Variants in ST8SIA1 observed in about 807,000 individuals in gnomAD.
ST8SIA1 encodes the protein ST8 alpha-N-acetyl-neuraminide alpha-2,8-sialyltransferase 1.
In ST8SIA1, 16 loss-of-function variants were observed where a neutral mutation model predicts 35.9. That is an observed-to-expected ratio of 0.45 (90% CI 0.30 to 0.68). ST8SIA1 has a LOEUF of 0.68. ST8SIA1 is among the 30% of genes least tolerant of loss of function. The pLI is 0.09. For missense variants in ST8SIA1, 383 were observed against 453.6 expected (o/e 0.84, Z 1.41); for synonymous variants, 170 against 169.6 (o/e 1.00, Z -0.02).
chr12:22,236,917 T>G lies in ST8SIA1; in HGVS notation c.584+12089A>C, dbSNP rs541759199. Among the ~76,000 whole-genome samples the G allele has an allele frequency of 2.6e-5, 4 of 152,286 alleles. No individual in the cohort carries two copies. In the South Asian group the frequency reaches 6.2e-4, roughly 24 times the overall value. ...TCAGGACAAGGTTACCGGAAAGATG[T>G]GGAGAACGTTCTGACTCTGAATTAA... On this transcript the variant is annotated intron_variant, in intron 4 of 4. Transcript: ENST00000396037.
intron 4 of ST8SIA1, among the ~76,000 whole-genome samples, chr12:22,218,400 T>C (rs575542760): frequency 6.6e-6 from 1 of 151,348 alleles, no homozygotes; most frequent in Non-Finnish European, 1.5e-5. Flanking sequence ...GGAGGATCAC[T>C]TGAGGTCAGG....
chr12:22,301,970 C>T (rs1866323864), intron 1 of ST8SIA1, among the ~76,000 whole-genome samples: 1 of 152,054 alleles, frequency 6.6e-6, no homozygotes, highest in South Asian at 2.1e-4. Context: ...TATAAAAAGC[C>T]TATGTGAAAG....
At chr12:22,278,842 C>G (rs1475201353) in intron 2 of ST8SIA1, among the ~76,000 whole-genome samples, 1 of 152,102 alleles carries the variant, frequency 6.6e-6, no homozygotes, top group South Asian at 2.1e-4. Context: ...GTTGTCTTAC[C>G]CTCAAAAAGC....
intron 4 of ST8SIA1, among the ~76,000 whole-genome samples, chr12:22,216,801 A>C (rs1865238805): frequency 6.6e-6 from 1 of 152,212 alleles, no homozygotes; most frequent in Non-Finnish European, 1.5e-5. Context: ...GCATTTTTGT[A>C]TCTTTGTCAC....
At chr12:22,294,337 G>A (rs539175246) in intron 1 of ST8SIA1, among the ~76,000 whole-genome samples, 1 of 152,038 alleles carries the variant, frequency 6.6e-6, no homozygotes, top group African/African-American at 2.4e-5. Context: ...CCTGCAGTAG[G>A]TAACATCATT....
Position 22,193,504 on chromosome 12 carries a change from A to T in ST8SIA1, c.*8048T>A, listed in dbSNP as rs1864948116. 1 of 150,868 alleles carries T rather than the reference A, an allele frequency of 6.6e-6. No homozygotes were observed. Among genetic ancestry groups the T allele is most frequent in the South Asian group, 2.1e-4 (1 of 4,702 alleles). The allele number at this position is 150,868 out of a possible 1,614,324, so 9.3% of individuals were successfully genotyped here. A position where few individuals can be genotyped will look rare whatever the true frequency, so the allele number is the denominator to read the frequency against. ...ACTGCCAGCCATAATTACAATGAAT[A>T]CACCAAAGAAAAAGACATGTTTTTA... is the stretch of plus-strand genomic sequence containing the variant. On this transcript the variant is annotated 3_prime_UTR_variant, in exon 5 of 5. Transcript: ENST00000396037.
At chr12:22,320,953 GAAAGAGAAAGAAAGAAAGAA>G (rs1379343929) in intron 1 of ST8SIA1, among the ~76,000 whole-genome samples, 8 of 80,722 alleles carry the variant, frequency 9.9e-5, no homozygotes, top group East Asian at 3.1e-4. Flanking sequence ...AAGAAAGAAA[GAAAGAGAAAGAAAGAAAGAA>G]AGAAAGAAAG....
At chr12:22,217,407 A>G (rs1865246587) in intron 4 of ST8SIA1, among the ~76,000 whole-genome samples, 1 of 152,206 alleles carries the variant, frequency 6.6e-6, no homozygotes, top group Admixed American at 6.5e-5. Context: ...AACACCTTAT[A>G]TTTTAAAAAT....
chr12:22,315,954 C>T (rs568547868), intron 1 of ST8SIA1, among the ~76,000 whole-genome samples: 1 of 152,064 alleles, frequency 6.6e-6, no homozygotes, highest in Admixed American at 6.6e-5. Flanking sequence ...CAAACCTGCA[C>T]ATCCTGTACA....
intron 3 of ST8SIA1, 63 bp downstream of exon 3, chr12:22,255,217 C>T: frequency 7.4e-7 from 1 of 1,350,416 alleles, no homozygotes; most frequent in Non-Finnish European, 1.1e-6. Flanking sequence ...AGCCCCAGGG[C>T]TTATGGGAGG....
intron 4 of ST8SIA1, among the ~76,000 whole-genome samples, chr12:22,230,912 T>A (rs202181081): frequency 0.049 from 7,427 of 152,014 alleles, 372 homozygotes; most frequent in South Asian, 0.17. Flanking sequence ...TTATCTTTAA[T>A]AAACATTAAG....
intron 4 of ST8SIA1, among the ~76,000 whole-genome samples, chr12:22,230,139 C>T (rs953592032): frequency 6.6e-6 from 1 of 152,140 alleles, no homozygotes; most frequent in Non-Finnish European, 1.5e-5. Flanking sequence ...AATGCTCTTA[C>T]ACAAAAATCA....
intron 1 of ST8SIA1, among the ~76,000 whole-genome samples, chr12:22,301,005 T>A (rs574564695): frequency 6.6e-6 from 1 of 152,170 alleles, no homozygotes; most frequent in Non-Finnish European, 1.5e-5. Flanking sequence ...GACACTCCTA[T>A]CATTCTGATA....
At chr12:22,270,431 C>T (rs1209465544) in intron 2 of ST8SIA1, among the ~76,000 whole-genome samples, 1 of 152,158 alleles carries the variant, frequency 6.6e-6, no homozygotes, top group Non-Finnish European at 1.5e-5. Context: ...TTCTCTAATA[C>T]ATTTGAGTTT....
At chr12:22,241,980 C>A (rs371556412) in intron 4 of ST8SIA1, among the ~76,000 whole-genome samples, 3 of 152,242 alleles carry the variant, frequency 2.0e-5, no homozygotes, top group Admixed American at 6.5e-5. Flanking sequence ...TTTCCAAATT[C>A]TATTTCCATA....
chr12:22,284,825 G>A (rs965805612), intron 2 of ST8SIA1, among the ~76,000 whole-genome samples: 2 of 152,130 alleles, frequency 1.3e-5, no homozygotes, highest in African/African-American at 4.8e-5. Context: ...TGCTGCAACC[G>A]ATAGATAATA....
At chr12:22,310,946 T>C (rs1316164405) in intron 1 of ST8SIA1, among the ~76,000 whole-genome samples, 1 of 152,166 alleles carries the variant, frequency 6.6e-6, no homozygotes, top group South Asian at 2.1e-4. Context: ...AGAACATAAT[T>C]AGTTTTCTTC....
At chr12:22,262,842 C>T (rs552036648) in intron 2 of ST8SIA1, among the ~76,000 whole-genome samples, 1 of 152,262 alleles carries the variant, frequency 6.6e-6, no homozygotes, top group East Asian at 1.9e-4. Flanking sequence ...AAATCAAAAT[C>T]TAAGAATTAA....
At chr12:22,296,992 C>A (rs901065266) in intron 1 of ST8SIA1, among the ~76,000 whole-genome samples, 1 of 152,168 alleles carries the variant, frequency 6.6e-6, no homozygotes, top group Admixed American at 6.5e-5. Flanking sequence ...GTTTACACAG[C>A]AGGGTGGGAT....
Sources: allele counts gnomAD v4.1 joint callset (sites outside exome capture counted in the v4.1 genomes callset), GRCh38; gene constraint gnomAD v4.1.1; transcripts MANE v1.5; gene names NCBI Gene and HGNC (gene_info 2026-07-23, HGNC 2026-07-21).